Variants in NR1H4 observed in about 807,000 individuals in gnomAD.
NR1H4 encodes nuclear receptor subfamily 1 group H member 4, also known as bile acid receptor.
A neutral mutation model predicts 58.5 loss-of-function variants in NR1H4; 23 were observed. That is an observed-to-expected ratio of 0.39 (90% CI 0.28 to 0.56). The LOEUF (loss-of-function observed/expected upper bound fraction) is 0.56. Ranked by LOEUF, NR1H4 falls within the 20% of genes least tolerant of loss-of-function variation. The pLI is 0.58. For missense variants in NR1H4, 487 were observed against 576.9 expected, an observed-to-expected ratio of 0.84 and a Z score of 1.60; for synonymous variants, 214 against 198.0, an observed-to-expected ratio of 1.08 and a Z score of -0.68.
At chr12:100,489,157 A>G (rs35943236) in intron 1 of NR1H4, among the ~76,000 whole-genome samples, 3,048 of 152,332 alleles carry the variant, frequency 0.02, 35 homozygotes, top group Non-Finnish European at 0.029. Flanking sequence ...TAATCCCAGT[A>G]AGAAGCTGTT....
intron 3 of NR1H4, among the ~76,000 whole-genome samples, chr12:100,509,138 C>G (rs1954042248): frequency 6.6e-6 from 1 of 152,138 alleles, no homozygotes; most frequent in South Asian, 2.1e-4. Context: ...ATATTATCAT[C>G]CCAACCTTGC....
chr12:100,488,027 G>C (rs755971902), intron 1 of NR1H4, among the ~76,000 whole-genome samples: 1 of 151,718 alleles, frequency 6.6e-6, no homozygotes, highest in Non-Finnish European at 1.5e-5. Flanking sequence ...TTTTGAGATG[G>C]AATCTCACTC....
At position 100,544,939 on chromosome 12, in the gene NR1H4, TCTC is replaced by T. The variant is rs761557049; in HGVS notation, c.1078+4134_1078+4136del. Among the ~76,000 whole-genome samples the T allele has an allele frequency of 7.9e-5, 12 of 152,206 alleles. No individual in the cohort carries two copies. In the East Asian group the frequency reaches 1.2e-3, roughly 15 times the overall value. On this transcript the variant is annotated intron_variant, in intron 9 of 10. Coordinates refer to ENST00000392986, the MANE Select transcript of NR1H4 (RefSeq NM_001206979.2). The stretch of plus-strand genomic sequence containing the variant: ...GATATGGAAGTTCTGTTGTGTTCTC[TCTC>T]CTCCTCCTCCTCAAAGATGAGTCAT...
intron 9 of NR1H4, among the ~76,000 whole-genome samples, chr12:100,543,558 A>ATT (rs1593118429): frequency 1.4e-5 from 2 of 148,074 alleles, no homozygotes; most frequent in Non-Finnish European, 3.0e-5. Flanking sequence ...TTCTGGACAG[A>ATT]TTGTGTGTGT....
At chr12:100,498,412 G>A (rs1456305132) in intron 3 of NR1H4, among the ~76,000 whole-genome samples, 2 of 152,176 alleles carry the variant, frequency 1.3e-5, no homozygotes, top group Non-Finnish European at 2.9e-5. Flanking sequence ...GCCAAGGCAG[G>A]CGGATCACCA....
At chr12:100,545,666 AAAACC>A (rs1955051344) in intron 9 of NR1H4, among the ~76,000 whole-genome samples, 2 of 145,556 alleles carry the variant, frequency 1.4e-5, no homozygotes, top group African/African-American at 5.3e-5. Context: ...AAAAAAAAAA[AAAACC>A]AAACGGGGGG....
intron 8 of NR1H4, among the ~76,000 whole-genome samples, chr12:100,538,812 A>G (rs974588463): frequency 6.6e-6 from 1 of 152,214 alleles, no homozygotes; most frequent in East Asian, 1.9e-4. Context: ...AAACTCATAA[A>G]GTGTGAGGAG....
chr12:100,497,243 C>T (rs956075189), intron 3 of NR1H4, among the ~76,000 whole-genome samples: 2 of 152,126 alleles, frequency 1.3e-5, no homozygotes, highest in Admixed American at 1.3e-4. Flanking sequence ...TAATTCCCCG[C>T]ACTTCTGGAC....
intron 5 of NR1H4, among the ~76,000 whole-genome samples, chr12:100,533,601 A>G (rs1264721257): frequency 1.3e-5 from 2 of 152,220 alleles, no homozygotes; most frequent in Non-Finnish European, 2.9e-5. Context: ...CCAATCTTGC[A>G]ATGGAAACAC....
At chr12:100,536,037 T>C (rs1954805214) in intron 6 of NR1H4, among the ~76,000 whole-genome samples, 1 of 152,148 alleles carries the variant, frequency 6.6e-6, no homozygotes, top group Middle Eastern at 3.2e-3. Flanking sequence ...TAAAATCCAA[T>C]GGATTTGGTC....
intron 3 of NR1H4, chr12:100,505,641 T>G: frequency 1.4e-6 from 1 of 701,264 alleles, no homozygotes; most frequent in South Asian, 1.5e-5. Flanking sequence ...TAAACTTCCA[T>G]GGAGAACCGT....
intron 3 of NR1H4, among the ~76,000 whole-genome samples, chr12:100,502,870 G>A (rs1236230109): frequency 6.6e-6 from 1 of 152,146 alleles, no homozygotes; most frequent in African/African-American, 2.4e-5. Flanking sequence ...ATCAGATCTT[G>A]TGAGACTTAC....
At chr12:100,498,358 G>A (rs954307983) in intron 3 of NR1H4, among the ~76,000 whole-genome samples, 1 of 152,184 alleles carries the variant, frequency 6.6e-6, no homozygotes, top group Non-Finnish European at 1.5e-5. Flanking sequence ...CGTAAATAAG[G>A]CTGGGCGCGG....
In NR1H4 at chr12:100,542,820, C is replaced by T. The variant is rs545965751; in HGVS notation, c.1078+2002C>T. ...TAAAAACAAAAAGCATAATTAGCAT[C>T]ATTGGTAGATTTAAAAACCACACAC... On this transcript the variant is annotated intron_variant, in intron 9 of 10. Transcript: ENST00000392986. 7.9e-5 allele frequency among the ~76,000 whole-genome samples: 12 copies of T among 152,150 alleles called. No homozygotes were observed. The South Asian group carries it at 2.5e-3, about 32-fold the overall frequency.
intron 3 of NR1H4, chr12:100,505,682 G>GAT (rs1953943421): frequency 1.5e-6 from 1 of 679,548 alleles, no homozygotes; most frequent in African/African-American, 1.8e-5. Context: ...CATACTCTTT[G>GAT]ATAGGCTAAT....
At chr12:100,526,429 ATGTGT>A (rs1954558980) in intron 4 of NR1H4, among the ~76,000 whole-genome samples, 1 of 152,104 alleles carries the variant, frequency 6.6e-6, no homozygotes, top group Non-Finnish European at 1.5e-5. Flanking sequence ...TATTTGCATT[ATGTGT>A]AACCTTTTAG....
chr12:100,536,402 C>CTT (rs113077673), intron 6 of NR1H4, 110 bp from the exon 7 acceptor site: 249 of 556,532 alleles, frequency 4.5e-4, no homozygotes, highest in African/African-American at 1.5e-3. Flanking sequence ...GTATTTATGC[C>CTT]TTTTTTTTTT....
In NR1H4 at chr12:100,533,668, G is replaced by A. The variant is rs75854257; in HGVS notation, c.598+1058G>A. ...ATCACTTAAATATGAACTTGTTCCA[G>A]CTGGAGCGCTGAGGACATTTTGCAT... On this transcript the variant is annotated intron_variant, in intron 5 of 10. Coordinates refer to ENST00000392986, the MANE Select transcript of NR1H4 (RefSeq NM_001206979.2). Among the ~76,000 whole-genome samples the A allele has an allele frequency of 5.1e-3, 781 of 152,278 alleles. 5 individuals carry two copies. Among genetic ancestry groups the A allele is most frequent in the African/African-American group, 0.017 (707 of 41,550 alleles).
At chr12:100,560,478 A>C (rs1433233606) in intron 9 of NR1H4, among the ~76,000 whole-genome samples, 1 of 152,138 alleles carries the variant, frequency 6.6e-6, no homozygotes, top group Non-Finnish European at 1.5e-5. Flanking sequence ...AAACAACTCC[A>C]GACGTGCTGC....
Sources: gnomAD v4.1 joint callset for allele counts (sites outside exome capture counted in the v4.1 genomes callset) on GRCh38, gnomAD v4.1.1 for gene constraint, MANE v1.5 for transcripts, NCBI Gene and HGNC (gene_info 2026-07-23, HGNC 2026-07-21) for gene names.